The following HMGB1 variants were observed in gnomAD, a reference collection of about 807,000 sequenced individuals.
HMGB1 encodes the protein high mobility group box 1.
For missense variants in HMGB1, 79 were observed against 253.5 expected (o/e 0.31, Z 4.67); for synonymous variants, 81 against 84.0 (o/e 0.96, Z 0.19).
At chr13:30,536,807 C>T (rs1337944951) in intron 1 of HMGB1, among the ~76,000 whole-genome samples, 4 of 152,002 alleles carry the variant, frequency 2.6e-5, no homozygotes, top group Non-Finnish European at 5.9e-5. Flanking sequence ...AGGTTCCTAT[C>T]GCTATTTGTC....
intron 1 of HMGB1, among the ~76,000 whole-genome samples, chr13:30,546,240 C>T (rs368719421): frequency 1.1e-4 from 16 of 152,288 alleles, no homozygotes; most frequent in African/African-American, 3.4e-4. Context: ...CTCAGCCTCC[C>T]GAGTAGCTGG....
chr13:30,465,774 C>T lies in HMGB1; in HGVS notation c.-15+22G>A, dbSNP rs188514674. Reference sequence around the variant, plus strand: ...GAGCTGCCGGAGGCGCTCTCCCCGCCGCGGCGCTGCCCCAGACTCACCCTC... The same window carrying T: ...GAGCTGCCGGAGGCGCTCTCCCCGCTGCGGCGCTGCCCCAGACTCACCCTC... On this transcript the variant is annotated intron_variant, in intron 1 of 4. Coordinates refer to ENST00000341423, the MANE Select transcript of HMGB1 (RefSeq NM_002128.7). 6 of 985,166 alleles carry T rather than the reference C, an allele frequency of 6.1e-6. No individual in the cohort carries two copies. In the East Asian group the frequency reaches 5.7e-4, roughly 94 times the overall value. The allele number at this position is 985,166 out of a possible 1,614,324, so 61.0% of individuals were successfully genotyped here. A position where few individuals can be genotyped will look rare whatever the true frequency, so the allele number is the denominator to read the frequency against.
Position 30,463,365 on chromosome 13 carries a change from T to C in HMGB1, c.151-13A>G. 6.3e-7 allele frequency: 1 copy of C among 1,587,402 alleles called. No homozygotes were observed. Among genetic ancestry groups the C allele is most frequent in the Non-Finnish European group, 8.5e-7 (1 of 1,170,138 alleles). On this transcript the variant is annotated splice_polypyrimidine_tract_variant and intron_variant, in intron 2 of 4. Coordinates refer to ENST00000341423, the MANE Select transcript of HMGB1 (RefSeq NM_002128.7). ...TAGCAGACATGGTCTACAAAATAATTATTTGTAAGTTTAAGTTGTAACATT... is the reference window on the plus strand; with the variant it reads ...TAGCAGACATGGTCTACAAAATAATCATTTGTAAGTTTAAGTTGTAACATT...
chr13:30,592,664 A>C (rs4769853), intron 1 of HMGB1, among the ~76,000 whole-genome samples: 83,182 of 151,926 alleles, frequency 0.55, 25,904 homozygotes, highest in African/African-American at 0.85. Context: ...TTGTTTAAGA[A>C]TTTGCTAAAG....
At chr13:30,615,277 A>T (rs1950550193) in intron 1 of HMGB1, among the ~76,000 whole-genome samples, 1 of 152,242 alleles carries the variant, frequency 6.6e-6, no homozygotes, top group South Asian at 2.1e-4. Flanking sequence ...ACACATGCAT[A>T]GCACAAGCGT....
At chr13:30,513,507 T>C (rs963804523) in intron 1 of HMGB1, among the ~76,000 whole-genome samples, 1 of 152,238 alleles carries the variant, frequency 6.6e-6, no homozygotes, top group Admixed American at 6.5e-5. Context: ...GGGCCTAGCA[T>C]AAGGTAGTGG....
At chr13:30,585,592 C>T (rs938025727) in intron 1 of HMGB1, among the ~76,000 whole-genome samples, 1 of 151,658 alleles carries the variant, frequency 6.6e-6, no homozygotes, top group Non-Finnish European at 1.5e-5. Context: ...GGGGGAGAAT[C>T]GCTTGAACCT....
At chr13:30,513,008 C>T (rs1380468411) in intron 1 of HMGB1, among the ~76,000 whole-genome samples, 1 of 152,026 alleles carries the variant, frequency 6.6e-6, no homozygotes, top group East Asian at 1.9e-4. Flanking sequence ...AATACAAATA[C>T]AAAAATTAGC....
intron 1 of HMGB1, chr13:30,554,006 G>C (rs1869556576): frequency 1.1e-5 from 17 of 1,483,250 alleles, no homozygotes; most frequent in Non-Finnish European, 1.4e-5. Context: ...TTGTTGTGCT[G>C]AACCGCATTG....
At chr13:30,475,409 C>CT (rs1182736407) in intron 1 of HMGB1, among the ~76,000 whole-genome samples, 2 of 151,022 alleles carry the variant, frequency 1.3e-5, no homozygotes, top group African/African-American at 4.9e-5. Flanking sequence ...ATGGGGGTCT[C>CT]TCCATGTTGC....
chr13:30,499,030 C>A (rs1383949381), intron 1 of HMGB1, among the ~76,000 whole-genome samples: 2 of 151,412 alleles, frequency 1.3e-5, no homozygotes, highest in African/African-American at 4.9e-5. Flanking sequence ...TCGGCTCACT[C>A]CAACCTCCGC....
chr13:30,571,358 A>G (rs1870420544), intron 1 of HMGB1, among the ~76,000 whole-genome samples: 1 of 149,634 alleles, frequency 6.7e-6, no homozygotes, highest in Non-Finnish European at 1.5e-5. Context: ...GCAGTGGCGC[A>G]ATCTTGGCTC....
chr13:30,526,972 C>G (rs914998763), intron 1 of HMGB1, among the ~76,000 whole-genome samples: 1 of 152,256 alleles, frequency 6.6e-6, no homozygotes, highest in Non-Finnish European at 1.5e-5. Flanking sequence ...TCCACACATC[C>G]TTCTGATGGC....
intron 1 of HMGB1, among the ~76,000 whole-genome samples, chr13:30,518,153 G>GA (rs1418679065): frequency 6.6e-6 from 1 of 151,838 alleles, no homozygotes; most frequent in Non-Finnish European, 1.5e-5. Context: ...GCAAGATAGC[G>GA]AGACTTCATC....
intron 1 of HMGB1, among the ~76,000 whole-genome samples, chr13:30,592,894 C>T (rs184249311): frequency 2.6e-3 from 382 of 149,334 alleles, no homozygotes; most frequent in African/African-American, 8.5e-3. Flanking sequence ...AAAGCGAATC[C>T]CTGGGACACT....
At chr13:30,548,177 G>T (rs1031328899) in intron 1 of HMGB1, among the ~76,000 whole-genome samples, 1 of 152,134 alleles carries the variant, frequency 6.6e-6, no homozygotes, top group Non-Finnish European at 1.5e-5. Context: ...ACCAGTGGGA[G>T]GTAATTGAAT....
At chr13:30,504,940 A>C (rs1360395361) in intron 1 of HMGB1, among the ~76,000 whole-genome samples, 2 of 152,124 alleles carry the variant, frequency 1.3e-5, no homozygotes, top group African/African-American at 4.8e-5. Context: ...GTCAATTCAC[A>C]GCATTTTCAA....
intron 1 of HMGB1, among the ~76,000 whole-genome samples, chr13:30,526,318 A>G (rs1339543681): frequency 6.6e-6 from 1 of 152,232 alleles, no homozygotes; most frequent in Non-Finnish European, 1.5e-5. Context: ...CGGCCTCCCA[A>G]AGTGCTGGGT....
chr13:30,464,709 G>GCGCCGCCGC lies in HMGB1; in HGVS notation c.-14-1024_-14-1016dup, dbSNP rs201189183. Reference sequence around the variant, plus strand: ...TGGCCGCTGCGCGTCTTCTCCGCCTGCGCCGCCGCCGCCGCGAGGGCGAGC... The same window carrying GCGCCGCCGC: ...TGGCCGCTGCGCGTCTTCTCCGCCTGCGCCGCCGCCGCCGCCGCCGCCGCGAGGGCGAGC... On this transcript the variant is annotated intron_variant, in intron 1 of 4. Transcript: ENST00000341423. The GCGCCGCCGC allele has an allele frequency of 2.2e-3, 1,685 of 754,546 alleles. 20 individuals carry two copies. Among genetic ancestry groups the GCGCCGCCGC allele is most frequent in the Non-Finnish European group, 2.2e-3 (1,358 of 620,462 alleles). 46.7% of individuals were successfully genotyped at this position (754,546 alleles called of 1,614,324 possible). A position where few individuals can be genotyped will look rare whatever the true frequency, so the allele number is the denominator to read the frequency against.
Sources: gnomAD v4.1 joint callset for allele counts (sites outside exome capture counted in the v4.1 genomes callset) on GRCh38, gnomAD v4.1.1 for gene constraint, MANE v1.5 for transcripts, NCBI Gene and HGNC (gene_info 2026-07-23, HGNC 2026-07-21) for gene names.